Variants in RNF32 observed in about 807,000 individuals in gnomAD.
RNF32 encodes the protein ring finger protein 32.
A neutral mutation model predicts 41.0 loss-of-function variants in RNF32; 36 were observed. The ratio of observed to expected loss-of-function variants is 0.88; its 90% CI spans 0.67 to 1.16. The LOEUF (loss-of-function observed/expected upper bound fraction) is 1.16, where lower values mean the gene tolerates loss of function less well. Among genes scored for constraint, RNF32 ranks in the 50% most tolerant of loss-of-function variants. The pLI is 0.00. For missense variants in RNF32, 413 were observed against 436.7 expected (o/e 0.95, Z 0.48); for synonymous variants, 154 against 160.9 (o/e 0.96, Z 0.32).
intron 7 of RNF32, among the ~76,000 whole-genome samples, chr7:156,660,546 G>A (rs531338355): frequency 3.9e-5 from 6 of 152,238 alleles, no homozygotes; most frequent in African/African-American, 1.2e-4. Flanking sequence ...ACAGGGTTTC[G>A]TTATATTGCC....
intron 3 of RNF32, among the ~76,000 whole-genome samples, chr7:156,653,791 T>C (rs1279990337): frequency 6.6e-6 from 1 of 152,186 alleles, no homozygotes; most frequent in Non-Finnish European, 1.5e-5. Flanking sequence ...AGAACTTTAT[T>C]CTGACCGTGA....
chr7:156,657,816 A>G, intron 5 of RNF32: 1 of 600,018 alleles, frequency 1.7e-6, no homozygotes, highest in Non-Finnish European at 3.0e-6. Flanking sequence ...TGCATGTCAA[A>G]GTGACAGCTA....
At chr7:156,658,325 A>C (rs1159430850) in intron 6 of RNF32, 73 bp downstream of exon 6, 6 of 1,590,716 alleles carry the variant, frequency 3.8e-6, no homozygotes, top group Non-Finnish European at 4.3e-6. Context: ...TTTTTTGAAT[A>C]GTGGGATTTT....
chr7:156,644,304 A>G lies in RNF32; in HGVS notation c.16-195A>G, dbSNP rs1797722112. On this transcript the variant is annotated intron_variant, in intron 2 of 8. Coordinates refer to ENST00000317955, the MANE Select transcript of RNF32 (RefSeq NM_030936.4). ...AATTAAGGCTTTCATAATTAAATGA[A>G]AAGATATTCCTGTATTGTTAACATA... Among the ~76,000 whole-genome samples, 3 of 152,206 alleles carry G rather than the reference A, an allele frequency of 2.0e-5. No homozygotes were observed. The South Asian group carries it at 6.2e-4, about 31-fold the overall frequency.
chr7:156,665,765 C>T (rs1173097104), intron 7 of RNF32, among the ~76,000 whole-genome samples: 1 of 152,162 alleles, frequency 6.6e-6, no homozygotes, highest in Admixed American at 6.5e-5. Flanking sequence ...CTCTGCTGAA[C>T]TATGAGAGAA....
intron 7 of RNF32, among the ~76,000 whole-genome samples, chr7:156,671,452 A>G (rs140054648): frequency 5.6e-4 from 85 of 152,398 alleles, no homozygotes; most frequent in African/African-American, 1.8e-3. Flanking sequence ...CATTAGAGAT[A>G]ATGGTGTAGA....
At position 156,670,826 on chromosome 7, in the gene RNF32, GA is replaced by G. The variant is rs1416884448; in HGVS notation, c.685-4867del. On this transcript the variant is annotated intron_variant, in intron 7 of 8. Transcript: ENST00000317955. The surrounding 1 kb of genome is among the most constrained non-coding windows in gnomAD (Gnocchi z 4.3). ...TGCCACTAGAACGTCTTCGTTAAAG[GA>G]AATTCTAAAGGATGCCTTGCATGAG... 1.3e-5 allele frequency among the ~76,000 whole-genome samples: 2 copies of G among 152,216 alleles called. No individual in the cohort carries two copies. The highest frequency in any genetic ancestry group is 4.1e-4 in the South Asian group (2 of 4,826).
intron 5 of RNF32, 140 bp downstream of exon 5, chr7:156,657,713 T>G (rs989583999): frequency 2.5e-6 from 2 of 815,332 alleles, no homozygotes; most frequent in African/African-American, 1.7e-5. Context: ...GAAACATGAC[T>G]GTAGGCTGCA....
chr7:156,666,312 G>A (rs903527967), intron 7 of RNF32, among the ~76,000 whole-genome samples: 1 of 152,212 alleles, frequency 6.6e-6, no homozygotes, highest in South Asian at 2.1e-4. Flanking sequence ...TACAGGGAGA[G>A]TTAGTGAAGT....
At chr7:156,657,765 A>T in intron 5 of RNF32, 192 bp downstream of exon 5, 1 of 630,002 alleles carries the variant, frequency 1.6e-6, no homozygotes, top group Non-Finnish European at 2.8e-6. Flanking sequence ...TTTTGTGACA[A>T]AAGAACCACA....
chr7:156,645,760 T>G (rs886202101), intron 3 of RNF32, among the ~76,000 whole-genome samples: 43 of 152,248 alleles, frequency 2.8e-4, no homozygotes, highest in Admixed American at 2.7e-3. Flanking sequence ...CAAGTGTGAA[T>G]ATGTATTTAG....
intron 1 of RNF32, 145 bp from the exon 2 acceptor site, chr7:156,643,656 A>G: frequency 1.7e-6 from 1 of 578,080 alleles, no homozygotes; most frequent in Non-Finnish European, 3.1e-6. Flanking sequence ...CTTCCTCCAG[A>G]ACCAGAATGT....
Position 156,644,762 on chromosome 7 carries a change from G to A in RNF32, c.274+5G>A, listed in dbSNP as rs771601321. On this transcript the variant is annotated splice_donor_5th_base_variant and intron_variant, in intron 3 of 8. Transcript: ENST00000317955. Reference sequence around the variant, plus strand: ...AACCGCCGCCGTTGACTTTGGGTAAGCTGACGTAGTCATTCATCTTTTGGC... The same window carrying A: ...AACCGCCGCCGTTGACTTTGGGTAAACTGACGTAGTCATTCATCTTTTGGC... 11 of 1,600,218 alleles carry A rather than the reference G, an allele frequency of 6.9e-6. No individual in the cohort carries two copies. Among genetic ancestry groups the A allele is most frequent in the Non-Finnish European group, 9.3e-6 (11 of 1,177,262 alleles).
chr7:156,676,799 T>C lies in RNF32; in HGVS notation c.*144T>C. 2 of 644,148 alleles carry C rather than the reference T, an allele frequency of 3.1e-6. No homozygotes were observed. The highest frequency in any genetic ancestry group is 5.3e-6 in the Non-Finnish European group (2 of 376,408). The allele number at this position is 644,148 out of a possible 1,614,324, so 39.9% of individuals were successfully genotyped here. On this transcript the variant is annotated 3_prime_UTR_variant, in exon 9 of 9. Transcript: ENST00000317955. ...TATTGGTAGTTGTAGGAAATCTTAG[T>C]ATATTTTAAAAGCTGACATCCCACC... is the stretch of plus-strand genomic sequence containing the variant.
At chr7:156,665,031 A>G (rs887992759) in intron 7 of RNF32, among the ~76,000 whole-genome samples, 1 of 152,252 alleles carries the variant, frequency 6.6e-6, no homozygotes, top group Admixed American at 6.5e-5. Context: ...AAATAAAAAC[A>G]TAACTGTGGG....
Position 156,658,215 on chromosome 7 carries a change from G to A in RNF32, c.538G>A (p.Asp180Asn), listed in dbSNP as rs374778058. The change falls in exon 6 of 9, where the codon GAT (aspartate) becomes AAT (asparagine). Residue 180 changes from aspartate to asparagine, a missense_variant. Transcript: ENST00000317955. ...KNQYQTRVIH[D>N]GARLFRIKCV... Reference sequence around the variant, plus strand: ...CCAGTATCAAACCCGAGTGATACACGATGGGGCCCGCCTGTTCAGAATCAA... The same window carrying A: ...CCAGTATCAAACCCGAGTGATACACAATGGGGCCCGCCTGTTCAGAATCAA... The A allele has an allele frequency of 6.2e-6, 10 of 1,614,084 alleles. No homozygotes were observed. The highest frequency in any genetic ancestry group is 4.0e-5 in the African/African-American group (3 of 74,928).
chr7:156,675,388 T>A (rs1217116320), intron 7 of RNF32, among the ~76,000 whole-genome samples: 2 of 152,196 alleles, frequency 1.3e-5, no homozygotes, highest in Non-Finnish European at 2.9e-5. Context: ...CGGTCCCTCC[T>A]GCAGCTGTCA....
At chr7:156,676,183 T>G (rs180870199) in intron 8 of RNF32, 95 of 1,282,134 alleles carry the variant, frequency 7.4e-5, no homozygotes, top group South Asian at 6.1e-5. Context: ...TGGATGTTGC[T>G]TATCACAGGT....
rs78778032 is a variant in RNF32, at chr7:156,659,022, A to G, written c.684+452A>G. The stretch of plus-strand genomic sequence containing the variant: ...TTGAGTACCTCGTGGGGTCATCACA[A>G]TGAGCTTTAGAGCTAACTTCCATGT... On this transcript the variant is annotated intron_variant, in intron 7 of 8. Coordinates refer to ENST00000317955, the MANE Select transcript of RNF32 (RefSeq NM_030936.4). The G allele has an allele frequency of 8.3e-4, 1,202 of 1,442,076 alleles. 7 individuals are homozygous for G. The African/African-American group carries it at 0.016, about 19-fold the overall frequency. The allele number at this position is 1,442,076 out of a possible 1,614,324, so 89.3% of individuals were successfully genotyped here.
Sources: gnomAD v4.1 joint callset for allele counts (sites outside exome capture counted in the v4.1 genomes callset) on GRCh38, gnomAD v4.1.1 for gene constraint, Gnocchi (gnomAD v3.1) non-coding constraint, MANE v1.5 for transcripts, NCBI Gene and HGNC (gene_info 2026-07-23, HGNC 2026-07-21) for gene names.